Variants in CDH4 observed in about 807,000 individuals in gnomAD.
CDH4 encodes the protein cadherin 4, also known as cadherin-4.
Under a neutral mutation model 86.0 loss-of-function variants are expected in CDH4, and 33 were observed. The observed-to-expected ratio is 0.38, with a 90% CI of 0.29 to 0.51. CDH4 has a LOEUF of 0.51. CDH4 is among the 20% of genes least tolerant of loss of function. CDH4 has a pLI of 0.86. For synonymous variants in CDH4, 555 were observed against 549.4 expected (o/e 1.01, Z -0.14); for missense variants, 1,114 against 1,307.4 (o/e 0.85, Z 2.28).
At chr20:61,926,270 G>A (rs915530071) in intron 11 of CDH4, among the ~76,000 whole-genome samples, 2 of 152,232 alleles carry the variant, frequency 1.3e-5, no homozygotes, top group African/African-American at 2.4e-5. Context: ...GTTAGGAAAC[G>A]GTGTGTGCAA....
intron 4 of CDH4, among the ~76,000 whole-genome samples, chr20:61,822,916 A>G (rs1403955139): frequency 6.6e-6 from 1 of 152,188 alleles, no homozygotes; most frequent in Non-Finnish European, 1.5e-5. Context: ...AGGTAACCCA[A>G]CTGCCGTCAC....
intron 2 of CDH4, among the ~76,000 whole-genome samples, chr20:61,329,441 T>TC (rs33981597): frequency 0.65 from 21,270 of 32,554 alleles, 7,060 homozygotes; most frequent in Middle Eastern, 0.71. Context: ...GTCCTCATGG[T>TC]CCCCCGTGGG....
chr20:61,655,923 C>T (rs190455782), intron 2 of CDH4, among the ~76,000 whole-genome samples: 40 of 152,312 alleles, frequency 2.6e-4, no homozygotes, highest in Non-Finnish European at 4.4e-4. Context: ...CTGGAGAGGA[C>T]GTGGTTCTGA....
At position 61,535,514 on chromosome 20, in the gene CDH4, A is replaced by T. The variant is rs959729412; in HGVS notation, c.170-208049A>T. On this transcript the variant is annotated intron_variant, in intron 2 of 15. Coordinates refer to ENST00000614565, the MANE Select transcript of CDH4 (RefSeq NM_001794.5). ...AAAATCAATTTGTAGTTTTCCCAGA[A>T]AGCCTTTTAAGTAGAATGTTTTTAG... 2.0e-5 allele frequency among the ~76,000 whole-genome samples: 3 copies of T among 152,266 alleles called. No homozygotes were observed. The South Asian group carries it at 6.2e-4, about 32-fold the overall frequency.
chr20:61,487,183 C>T (rs1434096852), intron 2 of CDH4, among the ~76,000 whole-genome samples: 3 of 152,162 alleles, frequency 2.0e-5, no homozygotes, highest in Non-Finnish European at 2.9e-5. Context: ...GTTTCAGCAC[C>T]ATTTGTGAAA....
intron 2 of CDH4, among the ~76,000 whole-genome samples, chr20:61,726,746 T>C (rs533482113): frequency 1.3e-5 from 2 of 151,626 alleles, no homozygotes; most frequent in African/African-American, 2.4e-5. Context: ...ATTGCTGCCA[T>C]CATCGTCACC....
At chr20:61,372,325 C>T (rs551589700) in intron 2 of CDH4, among the ~76,000 whole-genome samples, 1 of 152,312 alleles carries the variant, frequency 6.6e-6, no homozygotes, top group South Asian at 2.1e-4. Context: ...GGCACCCAGC[C>T]CTCCTGCCCA....
At chr20:61,344,177 G>T (rs543601786) in intron 2 of CDH4, among the ~76,000 whole-genome samples, 1 of 152,246 alleles carries the variant, frequency 6.6e-6, no homozygotes, top group South Asian at 2.1e-4. Flanking sequence ...CTCGAAGGGC[G>T]AGTGGAATGG....
intron 2 of CDH4, among the ~76,000 whole-genome samples, chr20:61,494,696 C>T (rs1568864688): frequency 6.6e-6 from 1 of 152,224 alleles, no homozygotes; most frequent in Non-Finnish European, 1.5e-5. Context: ...CTCTAAGAGA[C>T]ATCTAGTCAA....
intron 2 of CDH4, among the ~76,000 whole-genome samples, chr20:61,335,626 G>A (rs1245937484): frequency 6.6e-6 from 1 of 152,184 alleles, no homozygotes; most frequent in East Asian, 1.9e-4. Flanking sequence ...ACTGAGGTGG[G>A]ATCAATAAGT....
At chr20:61,585,309 C>G (rs189051992) in intron 2 of CDH4, among the ~76,000 whole-genome samples, 1 of 152,238 alleles carries the variant, frequency 6.6e-6, no homozygotes, top group Non-Finnish European at 1.5e-5. Flanking sequence ...AAGCCCTTCC[C>G]ACCCTCAGTC....
rs535093209 is a variant in CDH4 at position 61,923,140 on chromosome 20, AGGGGCCGCCCAGCG to A, written c.1375-305_1375-292del. Among the ~76,000 whole-genome samples, 17 of 152,328 alleles carry A rather than the reference AGGGGCCGCCCAGCG, an allele frequency of 1.1e-4. No individual in the cohort carries two copies. In the East Asian group the frequency reaches 2.3e-3, roughly 21 times the overall value. ...GGGACGGGGTTACCAGGCCAGGAAG[AGGGGCCGCCCAGCG>A]GGGGCTGCAGCCCCCCCAGGAGGAG... On this transcript the variant is annotated intron_variant, in intron 9 of 15. Transcript: ENST00000614565.
rs1480018669 is a variant in CDH4 at position 61,623,143 on chromosome 20, T to G, written c.170-120420T>G. On this transcript the variant is annotated intron_variant, in intron 2 of 15. Transcript: ENST00000614565. This position sits in a 1 kb window ranked among gnomAD's most constrained non-coding sequence, Gnocchi z 4.4. ...GATGCAGAGAAGTGGAGTTTCCAGA[T>G]GAGGATGTGGAGGTGGGAGTAGAAG... 2.0e-5 allele frequency among the ~76,000 whole-genome samples: 3 copies of G among 152,126 alleles called. No individual in the cohort carries two copies. The highest frequency in any genetic ancestry group is 4.4e-5 in the Non-Finnish European group (3 of 68,006).
At position 61,622,004 on chromosome 20, in the gene CDH4, C is replaced by T. The variant is rs143378234; in HGVS notation, c.170-121559C>T. Among the ~76,000 whole-genome samples, 418 of 152,274 alleles carry T rather than the reference C, an allele frequency of 2.7e-3. 2 individuals are homozygous for T. The highest frequency in any genetic ancestry group is 3.3e-3 in the Non-Finnish European group (225 of 68,014). On this transcript the variant is annotated intron_variant, in intron 2 of 15. Coordinates refer to ENST00000614565, the MANE Select transcript of CDH4 (RefSeq NM_001794.5). ...AGCATGCTCTGCAGGTCCCAGCAGCCGGTTGTTAATCTGTGCCGATCGCCT... is the reference window on the plus strand; with the variant it reads ...AGCATGCTCTGCAGGTCCCAGCAGCTGGTTGTTAATCTGTGCCGATCGCCT...
intron 2 of CDH4, among the ~76,000 whole-genome samples, chr20:61,609,234 T>A (rs900880475): frequency 6.6e-6 from 1 of 152,230 alleles, no homozygotes; most frequent in Admixed American, 6.5e-5. Flanking sequence ...TTGCTTGTGA[T>A]GGAATCACTG....
chr20:61,680,902 A>G (rs1313832032), intron 2 of CDH4, among the ~76,000 whole-genome samples: 1 of 152,140 alleles, frequency 6.6e-6, no homozygotes, highest in Non-Finnish European at 1.5e-5. Context: ...TGTCTCCAGG[A>G]TGCACCATTT....
intron 2 of CDH4, among the ~76,000 whole-genome samples, chr20:61,632,814 C>T (rs1463708699): frequency 2.7e-5 from 4 of 148,612 alleles, no homozygotes; most frequent in Non-Finnish European, 4.5e-5. Flanking sequence ...GTGCACCACC[C>T]GCTTCCTCTT....
intron 4 of CDH4, among the ~76,000 whole-genome samples, chr20:61,781,667 A>G (rs1159670322): frequency 6.6e-6 from 1 of 152,220 alleles, no homozygotes; most frequent in African/African-American, 2.4e-5. Context: ...TGGCAATAAC[A>G]GAAGGAGAGG....
At chr20:61,296,479 ATAGAAAAAAAATGCT>A (rs2084355520) in intron 2 of CDH4, among the ~76,000 whole-genome samples, 1 of 151,990 alleles carries the variant, frequency 6.6e-6, no homozygotes, top group Non-Finnish European at 1.5e-5. Context: ...ACCATGATTC[ATAGAAAAAAAATGCT>A]TTAAAATTAT....
Sources: allele counts gnomAD v4.1 joint callset (sites outside exome capture counted in the v4.1 genomes callset), GRCh38; gene constraint gnomAD v4.1.1; non-coding constraint Gnocchi (gnomAD v3.1); transcripts MANE v1.5; gene names NCBI Gene and HGNC (gene_info 2026-07-23, HGNC 2026-07-21).